The following SYNE2 variants were observed in gnomAD, a reference collection of about 807,000 sequenced individuals.
SYNE2 encodes spectrin repeat containing nuclear envelope protein 2, also known as nesprin-2.
Under a neutral mutation model 856.3 loss-of-function variants are expected in SYNE2, and 431 were observed. The observed-to-expected ratio is 0.50, with a 90% CI of 0.47 to 0.55. The LOEUF (loss-of-function observed/expected upper bound fraction) is 0.55. SYNE2 is among the 20% of genes least tolerant of loss of function. The pLI, the probability that SYNE2 is intolerant of heterozygous loss-of-function variation, is 0.00. For synonymous variants in SYNE2, 2,923 were observed against 2,872.3 expected, an observed-to-expected ratio of 1.02 and a Z score of -0.56; for missense variants, 8,129 against 8,023.2, an observed-to-expected ratio of 1.01 and a Z score of -0.50.
chr14:63,859,974 T>TCCCG (rs1893087883), intron 1 of SYNE2, among the ~76,000 whole-genome samples: 1 of 68,720 alleles, frequency 1.5e-5, no homozygotes, highest in Non-Finnish European at 2.8e-5. Flanking sequence ...CCTCCCTCCC[T>TCCCG]TCCTCCCTTC....
chr14:64,143,704 T>G (rs1247710963), intron 82 of SYNE2, 68 bp from the exon 83 acceptor site: 1 of 1,567,374 alleles, frequency 6.4e-7, no homozygotes, highest in East Asian at 2.2e-5. Flanking sequence ...CTCGAGCACA[T>G]AAAGGGAAAT....
At chr14:64,045,538 A>G (rs966552733) in intron 45 of SYNE2, among the ~76,000 whole-genome samples, 3 of 152,156 alleles carry the variant, frequency 2.0e-5, no homozygotes, top group Non-Finnish European at 2.9e-5. Context: ...GAAAGCACCT[A>G]CTGGCCAGTG....
At chr14:63,995,239 T>G (rs764649266) in intron 23 of SYNE2, 37 bp downstream of exon 23, 1 of 1,571,670 alleles carries the variant, frequency 6.4e-7, no homozygotes, top group Non-Finnish European at 8.7e-7. Context: ...TTTGTCATCA[T>G]TTTGGGGTTT....
intron 90 of SYNE2, among the ~76,000 whole-genome samples, chr14:64,166,159 A>C (rs546049375): frequency 6.7e-4 from 102 of 152,336 alleles, no homozygotes; most frequent in Non-Finnish European, 1.2e-3. Context: ...AGCAGTCAAC[A>C]AACTGTGGTG....
chr14:64,118,450 G>C (rs1291336268), intron 66 of SYNE2, among the ~76,000 whole-genome samples: 1 of 152,176 alleles, frequency 6.6e-6, no homozygotes, highest in African/African-American at 2.4e-5. Flanking sequence ...TGTTGTGAGA[G>C]TTTGGAGGCT....
rs1372182084 is a variant in SYNE2 at position 64,001,927 on chromosome 14, C to T, written c.3639-7C>T. 3.7e-6 allele frequency: 6 copies of T among 1,613,938 alleles called. No individual in the cohort carries two copies. The Admixed American group carries it at 6.7e-5, about 18-fold the overall frequency. ...TTCCCCTCATGTCTGATTTACCTTG[C>T]ACCCAGAATGGAATCTTTAGAGACA... is the stretch of plus-strand genomic sequence containing the variant. On this transcript the variant is annotated splice_region_variant and splice_polypyrimidine_tract_variant and intron_variant, in intron 28 of 115. Coordinates refer to ENST00000555002, the MANE Select transcript of SYNE2 (RefSeq NM_182914.3).
rs60498158 is a variant in SYNE2 at position 63,973,631 on chromosome 14, C to CA, written c.1129-2910dup. 1.0e-2 allele frequency among the ~76,000 whole-genome samples: 671 copies of CA among 67,402 alleles called. 5 individuals are homozygous for CA. The highest frequency in any genetic ancestry group is 0.013 in the East Asian group (32 of 2,376). The allele number at this position is 67,402 out of a possible 152,430, so 44.2% of individuals were successfully genotyped here. On this transcript the variant is annotated intron_variant, in intron 11 of 115. Transcript: ENST00000555002. ...TGGGTAACACACCGAGAGTCCATCT[C>CA]AAAAAAAAAAAAAAAAAAAAAAGGT...
chr14:64,025,584 G>A (rs761784389), intron 41 of SYNE2, among the ~76,000 whole-genome samples, 163 bp downstream of exon 41: 18 of 152,198 alleles, frequency 1.2e-4, no homozygotes, highest in South Asian at 2.1e-4. Flanking sequence ...GGGTTGTGAC[G>A]GATCTAAAAT....
intron 63 of SYNE2, among the ~76,000 whole-genome samples, chr14:64,100,861 GT>G (rs530237906): frequency 3.8e-4 from 53 of 141,306 alleles, no homozygotes; most frequent in Admixed American, 4.3e-4. Context: ...GCTTCTATGA[GT>G]TTTTTTTTTT....
chr14:63,900,289 C>T (rs1229924072), intron 1 of SYNE2, among the ~76,000 whole-genome samples: 1 of 152,136 alleles, frequency 6.6e-6, no homozygotes. Context: ...AGTTTGTTTT[C>T]ACGCTGCTGA....
chr14:63,939,383 T>C (rs4899124), intron 2 of SYNE2, among the ~76,000 whole-genome samples: 30,371 of 149,046 alleles, frequency 0.2, 4,125 homozygotes, highest in South Asian at 0.31. Context: ...AGTCTCGCAT[T>C]GTCACCCAGG....
At chr14:64,010,736 C>T (rs1475439883) in intron 32 of SYNE2, among the ~76,000 whole-genome samples, 1 of 152,158 alleles carries the variant, frequency 6.6e-6, no homozygotes, top group East Asian at 1.9e-4. Context: ...CCCCTCCCCT[C>T]TCTGTGATTC....
Position 64,119,534 on chromosome 14 carries a change from C to T in SYNE2, c.12948C>T (p.Ser4316=). Residue 4316 remains serine, a synonymous_variant, in exon 67 of 116, where the codon TCC becomes TCT. Coordinates refer to ENST00000555002, the MANE Select transcript of SYNE2 (RefSeq NM_182914.3). ...CTCAACATGAGGCTGAAGCGCTTTC[C>T]CTGAAACTGAAAACAGTGAAGTGCA... The part of the protein sequence containing the change: ...GATQHEAEAL[S]LKLKTVKCNL... The T allele has an allele frequency of 6.2e-7, 1 of 1,614,132 alleles. No homozygotes were observed. The highest frequency in any genetic ancestry group is 1.1e-5 in the South Asian group (1 of 91,078).
At chr14:64,224,789 A>G (rs573531825) in intron 114 of SYNE2, among the ~76,000 whole-genome samples, 3 of 152,290 alleles carry the variant, frequency 2.0e-5, no homozygotes, top group East Asian at 3.9e-4. Context: ...AAAAACTTCA[A>G]CACACTTGAC....
chr14:63,796,262 C>T lies in SYNE2; in HGVS notation c.-305+34276C>T, dbSNP rs938518986. Among the ~76,000 whole-genome samples, 17 of 152,306 alleles carry T rather than the reference C, an allele frequency of 1.1e-4. No homozygotes were observed. The South Asian group carries it at 2.7e-3, about 24-fold the overall frequency. ...GATCACAAGGTCAAGAATTTGAGAC[C>T]AGCCTGGTCAACATGGTGAAACCCC... On this transcript the variant is annotated intron_variant, in intron 1 of 23. Coordinates refer to the SYNE2 transcript ENST00000674003.
At chr14:64,163,882 C>CT (rs1262066887) in intron 89 of SYNE2, among the ~76,000 whole-genome samples, 2 of 152,112 alleles carry the variant, frequency 1.3e-5, no homozygotes, top group African/African-American at 4.8e-5. Flanking sequence ...GAAGTAGCTG[C>CT]TTAAAGCATG....
intron 9 of SYNE2, among the ~76,000 whole-genome samples, chr14:63,963,180 T>A (rs1015389954): frequency 1.9e-4 from 29 of 152,328 alleles, no homozygotes; most frequent in African/African-American, 7.0e-4. Flanking sequence ...TGCAGGCTTA[T>A]AATTCGGTTC....
chr14:64,026,620 G>A lies in SYNE2; in HGVS notation c.6294G>A (p.Glu2098=), dbSNP rs372331503. 8.1e-6 allele frequency: 13 copies of A among 1,613,822 alleles called. No individual in the cohort carries two copies. Among genetic ancestry groups the A allele is most frequent in the Non-Finnish European group, 1.7e-6 (2 of 1,179,858 alleles). ...AGCCTGAAGGGGATGCCAGAATAGA[G>A]ACCATCATGAAGCAGGCTGAGAGCA... The part of the protein sequence containing the change: ...LLKPEGDARI[E]TIMKQAESSE... Residue 2098 remains glutamate (E), a synonymous_variant, in exon 42 of 116, where the codon GAG becomes GAA. Coordinates refer to ENST00000555002, the MANE Select transcript of SYNE2 (RefSeq NM_182914.3).
chr14:64,037,138 T>TC (rs1252927806), intron 45 of SYNE2, among the ~76,000 whole-genome samples: 2 of 151,842 alleles, frequency 1.3e-5, no homozygotes, highest in African/African-American at 4.8e-5. Context: ...CTCCTCTTTT[T>TC]TTTTTTTTTT....
Sources: allele counts gnomAD v4.1 joint callset (sites outside exome capture counted in the v4.1 genomes callset), GRCh38; gene constraint gnomAD v4.1.1; transcripts MANE v1.5; gene names NCBI Gene and HGNC (gene_info 2026-07-23, HGNC 2026-07-21).